FAM171B: variants seen among roughly 807,000 people sequenced by gnomAD.
FAM171B encodes protein FAM171B.
A neutral mutation model predicts 75.6 loss-of-function variants in FAM171B; 19 were observed. The observed-to-expected ratio is 0.25, with a 90% CI of 0.18 to 0.37. The LOEUF is 0.37. Among genes scored for constraint, FAM171B ranks in the 10% least tolerant of loss-of-function variants. FAM171B has a pLI of 1.00. For missense variants in FAM171B, 848 were observed against 982.4 expected (o/e 0.86, Z 1.83); for synonymous variants, 367 against 361.7 (o/e 1.01, Z -0.17).
chr2:186,759,509 T>C (rs963624002), intron 6 of FAM171B, among the ~76,000 whole-genome samples: 2 of 152,172 alleles, frequency 1.3e-5, no homozygotes, highest in African/African-American at 4.8e-5. Flanking sequence ...GCATTCATTA[T>C]TGACTGTCTT....
At chr2:186,746,588 C>G (rs1357607494) in intron 3 of FAM171B, among the ~76,000 whole-genome samples, 1 of 152,218 alleles carries the variant, frequency 6.6e-6, no homozygotes, top group Non-Finnish European at 1.5e-5. Flanking sequence ...AACAAGCTTT[C>G]ATTTTTGATT....
rs1030192341 is a variant in FAM171B at position 186,763,903 on chromosome 2, G to C, written c.*1080G>C. 2 of 152,054 alleles carry C rather than the reference G, an allele frequency of 1.3e-5. No individual in the cohort carries two copies. The highest frequency in any genetic ancestry group is 4.8e-5 in the African/African-American group (2 of 41,430). The allele number at this position is 152,054 out of a possible 1,614,324, so 9.4% of individuals were successfully genotyped here. Reference sequence around the variant, plus strand: ...TATCCAGTTATTGATTTTCTTAAAAGATGTGTAAGGAAAACAGTTTCAATT... The same window carrying C: ...TATCCAGTTATTGATTTTCTTAAAACATGTGTAAGGAAAACAGTTTCAATT... On this transcript the variant is annotated 3_prime_UTR_variant, in exon 8 of 8. Transcript: ENST00000304698.
In FAM171B at chr2:186,694,394, C is replaced by T. The variant is rs756192276; in HGVS notation, c.221C>T (p.Ser74Phe). ...AGGACAGAGGTGCCTGGGGCAACCTCCACCTTGACGGTTCCAGGTAGGTCC... is the reference window on the plus strand; with the variant it reads ...AGGACAGAGGTGCCTGGGGCAACCTTCACCTTGACGGTTCCAGGTAGGTCC... ...EERTEVPGATSTLTVPVSVFM... is the reference protein window; with the variant it reads ...EERTEVPGATFTLTVPVSVFM... The change falls in exon 1 of 8, where the codon TCC (serine) becomes TTC (phenylalanine). Residue 74 changes from serine to phenylalanine, a missense_variant. By Grantham distance (155) the Ser-to-Phe change is radical. Transcript: ENST00000304698. The T allele has an allele frequency of 3.0e-5, 48 of 1,612,392 alleles. No homozygotes were observed. Among genetic ancestry groups the T allele is most frequent in the Non-Finnish European group, 4.1e-5 (48 of 1,179,458 alleles).
chr2:186,712,179 A>C (rs1689818675), intron 1 of FAM171B, among the ~76,000 whole-genome samples: 1 of 152,202 alleles, frequency 6.6e-6, no homozygotes. Flanking sequence ...CAAAATGTTC[A>C]GGATAATTTA....
chr2:186,716,585 A>T (rs930117642), intron 1 of FAM171B, among the ~76,000 whole-genome samples: 1 of 152,108 alleles, frequency 6.6e-6, no homozygotes, highest in Non-Finnish European at 1.5e-5. Flanking sequence ...TATAAGCCAC[A>T]CTGATTGTCA....
At chr2:186,751,043 AAT>A in intron 4 of FAM171B, 89 bp from the exon 5 acceptor site, 1 of 960,760 alleles carries the variant, frequency 1.0e-6, no homozygotes. Context: ...CCCTTGGTGA[AAT>A]AGAGGAACTA....
rs545300718 is a variant in FAM171B at position 186,746,747 on chromosome 2, T to C, written c.566-345T>C. Among the ~76,000 whole-genome samples, 12 of 152,330 alleles carry C rather than the reference T, an allele frequency of 7.9e-5. No homozygotes were observed. In the East Asian group the frequency reaches 2.3e-3, roughly 29 times the overall value. ...GGCCAAGAGAATGAGATGCTTTTAA[T>C]TGGTTTCAGCCCATTCTGGCATGCA... On this transcript the variant is annotated intron_variant, in intron 3 of 7. Transcript: ENST00000304698.
chr2:186,755,648 T>C (rs2105791444), intron 6 of FAM171B, among the ~76,000 whole-genome samples: 1 of 152,318 alleles, frequency 6.6e-6, no homozygotes, highest in Non-Finnish European at 1.5e-5. Context: ...TTTTCTCTAG[T>C]TTTTAAAATC....
chr2:186,735,918 C>G (rs1358578282), intron 1 of FAM171B, among the ~76,000 whole-genome samples: 3 of 152,186 alleles, frequency 2.0e-5, no homozygotes, highest in Non-Finnish European at 2.9e-5. Flanking sequence ...TTCAATTTAT[C>G]TCTTAAAAGT....
intron 6 of FAM171B, among the ~76,000 whole-genome samples, chr2:186,756,675 C>A (rs1355262891): frequency 1.3e-5 from 2 of 152,056 alleles, no homozygotes; most frequent in Non-Finnish European, 2.9e-5. Flanking sequence ...TCAATTCAAT[C>A]CTGACATTAT....
chr2:186,736,567 G>GTGGGAGA (rs55683607), intron 1 of FAM171B, among the ~76,000 whole-genome samples: 32 of 104,624 alleles, frequency 3.1e-4, no homozygotes, highest in African/African-American at 1.0e-3. Flanking sequence ...TGTGTGTGTG[G>GTGGGAGA]GAGAGAGAGA....
chr2:186,713,115 C>G (rs1026141779), intron 1 of FAM171B, among the ~76,000 whole-genome samples: 1 of 152,178 alleles, frequency 6.6e-6, no homozygotes, highest in African/African-American at 2.4e-5. Context: ...GAGTCTGAGA[C>G]TTGAAGGAAG....
chr2:186,741,123 T>C (rs1201659856), intron 2 of FAM171B, among the ~76,000 whole-genome samples: 1 of 152,134 alleles, frequency 6.6e-6, no homozygotes, highest in East Asian at 1.9e-4. Flanking sequence ...ATGTTATCTA[T>C]GATAAGATGC....
chr2:186,698,297 A>C (rs918625337), intron 1 of FAM171B, among the ~76,000 whole-genome samples: 2 of 152,194 alleles, frequency 1.3e-5, no homozygotes, highest in Admixed American at 1.3e-4. Context: ...GCTTCTTGAG[A>C]GGTATATTTT....
rs914694546 is a variant in FAM171B at position 186,762,730 on chromosome 2, T to C, written c.2388T>C (p.Thr796=). Residue 796 remains threonine (T), a synonymous_variant, in exon 8 of 8, where the codon ACT becomes ACC. Transcript: ENST00000304698. The surrounding 1 kb of genome is among the most constrained non-coding windows in gnomAD (Gnocchi z 4.0). ...VEDFEANTSP[T]KRRGRPPLAK... is the part of the protein sequence containing the mutation. ...ATTTTGAAGCTAATACATCCCCCAC[T>C]AAAAGAAGGGGCAGACCACCACTAG... 4 of 1,612,914 alleles carry C rather than the reference T, an allele frequency of 2.5e-6. No homozygotes were observed. In the African/African-American group the frequency reaches 5.4e-5, roughly 22 times the overall value.
At chr2:186,703,525 T>C (rs971808510) in intron 1 of FAM171B, among the ~76,000 whole-genome samples, 6 of 152,206 alleles carry the variant, frequency 3.9e-5, no homozygotes, top group Non-Finnish European at 7.4e-5. Context: ...TCCTCTGCTT[T>C]TTAATAATAG....
intron 6 of FAM171B, among the ~76,000 whole-genome samples, chr2:186,756,268 A>G (rs1056760729): frequency 7.6e-6 from 1 of 131,932 alleles, no homozygotes; most frequent in Non-Finnish European, 1.7e-5. Flanking sequence ...ATGCTTTTGA[A>G]GAATTTATTC....
chr2:186,754,278 T>C (rs1355857618), intron 6 of FAM171B, among the ~76,000 whole-genome samples: 3 of 152,224 alleles, frequency 2.0e-5, no homozygotes, highest in African/African-American at 7.2e-5. Context: ...ATGAAGTTTG[T>C]TCAAATCAAG....
At chr2:186,755,064 A>C (rs986701772) in intron 6 of FAM171B, among the ~76,000 whole-genome samples, 10 of 152,146 alleles carry the variant, frequency 6.6e-5, no homozygotes, top group Non-Finnish European at 1.3e-4. Flanking sequence ...AATTATCTAG[A>C]TAATTTGTAC....
Sources: allele counts gnomAD v4.1 joint callset (sites outside exome capture counted in the v4.1 genomes callset), GRCh38; gene constraint gnomAD v4.1.1; non-coding constraint Gnocchi (gnomAD v3.1); transcripts MANE v1.5; gene names NCBI Gene and HGNC (gene_info 2026-07-23, HGNC 2026-07-21).